The following LRRC38 variants were observed in gnomAD, a reference collection of about 807,000 sequenced individuals.
LRRC38 encodes the protein leucine rich repeat containing 38, also known as leucine-rich repeat-containing protein 38.
In LRRC38, 5 loss-of-function variants were observed where a neutral mutation model predicts 16.4. The ratio of observed to expected loss-of-function variants is 0.31; its 90% confidence interval spans 0.16 to 0.64. LRRC38 has a LOEUF of 0.64. LRRC38 is among the 30% of genes least tolerant of loss of function. LRRC38 has a pLI of 0.80. For synonymous variants in LRRC38, 191 were observed against 190.2 expected, an observed-to-expected ratio of 1.00 and a Z score of -0.04; for missense variants, 341 against 401.8, an observed-to-expected ratio of 0.85 and a Z score of 1.29.
rs193264792 is a variant in LRRC38, at chr1:13,503,287, G to A, written c.631+9676C>T. Among the ~76,000 whole-genome samples the A allele has an allele frequency of 3.4e-3, 512 of 151,430 alleles. 3 individuals carry two copies. Among genetic ancestry groups the A allele is most frequent in the African/African-American group, 0.012 (490 of 40,878 alleles). The stretch of plus-strand genomic sequence containing the variant: ...TTGTTTTTATTTATTTATTTATTTT[G>A]AGACAGTCTCACTCTGTCACCCAGG... On this transcript the variant is annotated intron_variant, in intron 1 of 1. Coordinates refer to ENST00000376085, the MANE Select transcript of LRRC38 (RefSeq NM_001010847.2).
intron 1 of LRRC38, among the ~76,000 whole-genome samples, chr1:13,503,023 G>A (rs1639168628): frequency 6.6e-6 from 1 of 152,174 alleles, no homozygotes; most frequent in Non-Finnish European, 1.5e-5. Flanking sequence ...GATTTGAAAG[G>A]GAGCTCCTGG....
intron 1 of LRRC38, among the ~76,000 whole-genome samples, chr1:13,500,650 G>A (rs895615203): frequency 6.6e-6 from 1 of 152,082 alleles, no homozygotes; most frequent in African/African-American, 2.4e-5. Flanking sequence ...AAACCAAGCT[G>A]TGCCCCGACC....
intron 1 of LRRC38, among the ~76,000 whole-genome samples, chr1:13,490,302 G>A (rs543543426): frequency 6.6e-6 from 1 of 152,242 alleles, no homozygotes; most frequent in East Asian, 1.9e-4. Context: ...GGAATTACAG[G>A]CAGTTGCCAC....
chr1:13,513,361 A>C lies in LRRC38; in HGVS notation c.233T>G (p.Phe78Cys), dbSNP rs1437723855. ...IQRIPEDFFIFYGDLVYLDFR... is the reference protein window; with the variant it reads ...IQRIPEDFFICYGDLVYLDFR... ...GTCCAGGTAGACCAGGTCGCCGTAGAAGATGAAGAAGTCCTCGGGGATCCG... is the reference window on the plus strand; with the variant it reads ...GTCCAGGTAGACCAGGTCGCCGTAGCAGATGAAGAAGTCCTCGGGGATCCG... The change falls in exon 1 of 2, where the codon TTC becomes TGC. Residue 78 changes from phenylalanine (F) to cysteine (C), a missense_variant. Phe to Cys is a radical substitution (Grantham distance 205). Transcript: ENST00000376085. The C allele has an allele frequency of 6.4e-7, 1 of 1,550,816 alleles. No individual in the cohort carries two copies. The highest frequency in any genetic ancestry group is 2.0e-5 in the Admixed American group (1 of 51,008).
At position 13,490,196 on chromosome 1, in the gene LRRC38, G is replaced by A. The variant is rs140465810; in HGVS notation, c.632-14097C>T. The stretch of plus-strand genomic sequence containing the variant: ...TTTTTAGACAGAGTCTCACTCTGTC[G>A]CCCAGGCTGGAGTACAGTGGCGTGA... On this transcript the variant is annotated intron_variant, in intron 1 of 1. Coordinates refer to ENST00000376085, the MANE Select transcript of LRRC38 (RefSeq NM_001010847.2). Among the ~76,000 whole-genome samples the A allele has an allele frequency of 9.6e-3, 1,452 of 152,016 alleles. 27 individuals are homozygous for A. Among genetic ancestry groups the A allele is most frequent in the African/African-American group, 0.033 (1,386 of 41,456 alleles).
chr1:13,480,528 G>C (rs1335025541), intron 1 of LRRC38, among the ~76,000 whole-genome samples: 1 of 152,094 alleles, frequency 6.6e-6, no homozygotes, highest in East Asian at 1.9e-4. Flanking sequence ...ATATGGTTTG[G>C]CTGTGTCCTC....
rs953293181 is a variant in LRRC38 at position 13,507,764 on chromosome 1, G to T, written c.631+5199C>A. Reference sequence around the variant, plus strand: ...GGAGAATCACTTGAACCTGGGAGGTGGAGGTTGCAGTGAGTCGAGATCACA... The same window carrying T: ...GGAGAATCACTTGAACCTGGGAGGTTGAGGTTGCAGTGAGTCGAGATCACA... On this transcript the variant is annotated intron_variant, in intron 1 of 1. Coordinates refer to ENST00000376085, the MANE Select transcript of LRRC38 (RefSeq NM_001010847.2). Among the ~76,000 whole-genome samples, 2 of 151,948 alleles carry T rather than the reference G, an allele frequency of 1.3e-5. 1 individual carries two copies. The highest frequency in any genetic ancestry group is 4.2e-4 in the South Asian group (2 of 4,818).
Position 13,484,142 on chromosome 1 carries a change from C to A in LRRC38, c.632-8043G>T, listed in dbSNP as rs191970866. Among the ~76,000 whole-genome samples the A allele has an allele frequency of 2.6e-3, 393 of 152,238 alleles. 1 individual carries two copies. Among genetic ancestry groups the A allele is most frequent in the African/African-American group, 8.1e-3 (336 of 41,540 alleles). ...TGCTTGCCGTTCCTCAAACGCCCCG[C>A]GCAGGCCACCGTCAGGGCCTCTGCA... On this transcript the variant is annotated intron_variant, in intron 1 of 1. Coordinates refer to ENST00000376085, the MANE Select transcript of LRRC38 (RefSeq NM_001010847.2).
chr1:13,504,775 A>AGGGAC, intron 1 of LRRC38, among the ~76,000 whole-genome samples: 1 of 95,064 alleles, frequency 1.1e-5, no homozygotes. Context: ...AAGGGAGGGA[A>AGGGAC]GGGGAGAGGG....
chr1:13,504,262 G>C (rs149906493), intron 1 of LRRC38, among the ~76,000 whole-genome samples: 15 of 152,190 alleles, frequency 9.9e-5, no homozygotes, highest in African/African-American at 3.1e-4. Context: ...AGGAACATCA[G>C]GGGACTTATC....
At position 13,475,707 on chromosome 1, in the gene LRRC38, A is replaced by C; in HGVS notation, c.*139T>G. ...ATCAGTGGTCCCAGCAGGTGTACCCAGGGGCCAAGACACGGAACAGGCTCT... is the reference window on the plus strand; with the variant it reads ...ATCAGTGGTCCCAGCAGGTGTACCCCGGGGCCAAGACACGGAACAGGCTCT... On this transcript the variant is annotated 3_prime_UTR_variant, in exon 2 of 2. Coordinates refer to ENST00000376085, the MANE Select transcript of LRRC38 (RefSeq NM_001010847.2). The surrounding 1 kb of genome is among the most constrained non-coding windows in gnomAD (Gnocchi z 4.3). The C allele has an allele frequency of 9.0e-7, 1 of 1,105,654 alleles. No individual in the cohort carries two copies. The highest frequency in any genetic ancestry group is 1.6e-5 in the South Asian group (1 of 62,328). The allele number at this position is 1,105,654 out of a possible 1,614,324, so 68.5% of individuals were successfully genotyped here.
At chr1:13,507,619 G>T (rs1382362430) in intron 1 of LRRC38, among the ~76,000 whole-genome samples, 1 of 151,508 alleles carries the variant, frequency 6.6e-6, no homozygotes, top group Non-Finnish European at 1.5e-5. Context: ...ATCACCTGAG[G>T]TCAGGAGTTT....
chr1:13,499,756 G>A (rs1639123861), intron 1 of LRRC38, among the ~76,000 whole-genome samples: 1 of 152,198 alleles, frequency 6.6e-6, no homozygotes, highest in Admixed American at 6.5e-5. Flanking sequence ...GAGGCAGAGA[G>A]GCAGCAGGAC....
At chr1:13,476,770 G>A (rs1047695010) in intron 1 of LRRC38, among the ~76,000 whole-genome samples, 46 of 152,194 alleles carry the variant, frequency 3.0e-4, no homozygotes, top group Non-Finnish European at 5.7e-4. Context: ...GATGCAGTGG[G>A]ATGGGTCAGT....
rs546809286 is a variant in LRRC38 at position 13,503,478 on chromosome 1, A to G, written c.631+9485T>C. ...GAGACGGGGTTTCACCATGTTAGCC[A>G]GGCTGGTCTCGATCTGCTGACCTCA... is the stretch of plus-strand genomic sequence containing the variant. On this transcript the variant is annotated intron_variant, in intron 1 of 1. Transcript: ENST00000376085. 1.2e-4 allele frequency among the ~76,000 whole-genome samples: 18 copies of G among 152,300 alleles called. No individual in the cohort carries two copies. In the East Asian group the frequency reaches 3.1e-3, roughly 26 times the overall value.
chr1:13,482,278 G>C (rs2924852), intron 1 of LRRC38, among the ~76,000 whole-genome samples: 32,557 of 151,882 alleles, frequency 0.21, 3,961 homozygotes, highest in South Asian at 0.31. Flanking sequence ...ACACTTAAAG[G>C]ACAAAGTGCA....
chr1:13,511,880 G>C (rs1013725766), intron 1 of LRRC38, among the ~76,000 whole-genome samples: 6 of 152,192 alleles, frequency 3.9e-5, no homozygotes, highest in African/African-American at 1.2e-4. Context: ...TTTGATGACA[G>C]TTGGGAATGA....
intron 1 of LRRC38, among the ~76,000 whole-genome samples, chr1:13,477,307 G>C (rs1010812177): frequency 6.6e-6 from 1 of 152,086 alleles, no homozygotes; most frequent in East Asian, 1.9e-4. Context: ...AAGGCCCTGG[G>C]GATACAGCAG....
rs145713005 is a variant in LRRC38 at position 13,487,557 on chromosome 1, T to C, written c.632-11458A>G. On this transcript the variant is annotated intron_variant, in intron 1 of 1. Coordinates refer to ENST00000376085, the MANE Select transcript of LRRC38 (RefSeq NM_001010847.2). This position sits in a 1 kb window ranked among gnomAD's most constrained non-coding sequence, Gnocchi z 4.4. ...CCTTATAACCACGACTTCCTTCTCT[T>C]CCAGGGCACATTCAGAAGAGACAGG... Among the ~76,000 whole-genome samples, 760 of 152,286 alleles carry C rather than the reference T, an allele frequency of 5.0e-3. 7 individuals carry two copies. Among genetic ancestry groups the C allele is most frequent in the African/African-American group, 0.018 (739 of 41,568 alleles).
Sources: allele counts gnomAD v4.1 joint callset (sites outside exome capture counted in the v4.1 genomes callset), GRCh38; gene constraint gnomAD v4.1.1; non-coding constraint Gnocchi (gnomAD v3.1); transcripts MANE v1.5; gene names NCBI Gene and HGNC (gene_info 2026-07-23, HGNC 2026-07-21).